Variants in SLCO6A1 observed in about 807,000 individuals in gnomAD.
SLCO6A1 encodes cancer/testis antigen 48.
A neutral mutation model predicts 72.7 loss-of-function variants in SLCO6A1; 65 were observed. The ratio of observed to expected loss-of-function variants is 0.89; its 90% CI spans 0.73 to 1.10. The LOEUF is 1.10. Among genes scored for constraint, SLCO6A1 ranks in the 50% least tolerant of loss-of-function variants. SLCO6A1 has a pLI of 0.00. For missense variants in SLCO6A1, 874 were observed against 872.6 expected, an observed-to-expected ratio of 1.00 and a Z score of -0.02; for synonymous variants, 314 against 298.2, an observed-to-expected ratio of 1.05 and a Z score of -0.55.
intron 4 of SLCO6A1, among the ~76,000 whole-genome samples, chr5:102,470,269 G>A (rs562206840): frequency 2.6e-5 from 4 of 152,270 alleles, no homozygotes; most frequent in South Asian, 2.1e-4. Flanking sequence ...GTAGAATTCA[G>A]TTGTGAATCT....
Position 102,413,000 on chromosome 5 carries a change from T to C in SLCO6A1, c.1616A>G (p.Asn539Ser), listed in dbSNP as rs760521271. The stretch of plus-strand genomic sequence containing the variant: ...ATAAAAAATAATTACCTTTTTTTGG[T>C]TTTGTGCTTTAGAATATGTACACCC... The part of the protein sequence containing the change: ...FAGCTYSKAQ[N>S]QKKMYYNCSC... The change falls in exon 9 of 14, where the codon AAC (asparagine) becomes AGC (serine). Residue 539 changes from asparagine (N) to serine (S), a missense_variant. Transcript: ENST00000506729. 1 of 1,389,996 alleles carries C rather than the reference T, an allele frequency of 7.2e-7. No homozygotes were observed. The highest frequency in any genetic ancestry group is 9.4e-7 in the Non-Finnish European group (1 of 1,063,640). 86.1% of individuals were successfully genotyped at this position (1,389,996 alleles called of 1,614,324 possible).
intron 12 of SLCO6A1, among the ~76,000 whole-genome samples, chr5:102,381,661 C>A (rs939538595): frequency 6.6e-6 from 1 of 150,666 alleles, no homozygotes; most frequent in African/African-American, 2.4e-5. Flanking sequence ...TCAGTAATGG[C>A]TGTACTAATT....
Position 102,480,355 on chromosome 5 carries a change from T to G in SLCO6A1, c.438A>C (p.Ala146=). 6.2e-7 allele frequency: 1 copy of G among 1,613,650 alleles called. No individual in the cohort carries two copies. The highest frequency in any genetic ancestry group is 8.5e-7 in the Non-Finnish European group (1 of 1,179,762). Residue 146 remains alanine, a synonymous_variant, in exon 2 of 14, where the codon GCA becomes GCC. Transcript: ENST00000506729. ...EYQLKTIEKL[A]LEKSYDISSG... ...ATGAAATATCGTAACTCTTTTCCAA[T>G]GCCAACTTCTCAATGGTTTTCAGTT...
At chr5:102,374,776 C>A (rs534554351) in intron 12 of SLCO6A1, among the ~76,000 whole-genome samples, 2 of 152,168 alleles carry the variant, frequency 1.3e-5, no homozygotes, top group African/African-American at 4.8e-5. Context: ...GTAAATTATT[C>A]TCTTTAGGGT....
At chr5:102,401,355 G>A (rs1747388172) in intron 9 of SLCO6A1, among the ~76,000 whole-genome samples, 1 of 152,084 alleles carries the variant, frequency 6.6e-6, no homozygotes, top group Non-Finnish European at 1.5e-5. Context: ...GGTGGCAATT[G>A]CAAGAGCAAT....
At chr5:102,414,751 C>T (rs1748180366) in intron 8 of SLCO6A1, among the ~76,000 whole-genome samples, 1 of 151,754 alleles carries the variant, frequency 6.6e-6, no homozygotes, top group South Asian at 2.1e-4. Context: ...AAAAAATAGC[C>T]AGGCGTAGTG....
intron 8 of SLCO6A1, among the ~76,000 whole-genome samples, chr5:102,418,073 A>T (rs1465653534): frequency 6.6e-6 from 1 of 152,086 alleles, no homozygotes; most frequent in East Asian, 1.9e-4. Flanking sequence ...GGTTGATATA[A>T]AATTAAAGGT....
intron 12 of SLCO6A1, among the ~76,000 whole-genome samples, chr5:102,382,062 CTTTT>C (rs1746140604): frequency 1.3e-5 from 2 of 151,642 alleles, no homozygotes; most frequent in South Asian, 2.1e-4. Context: ...CAAAAAGTAG[CTTTT>C]TTGTTTGTTT....
chr5:102,475,895 G>T, intron 3 of SLCO6A1, 102 bp from the exon 4 acceptor site: 1 of 808,186 alleles, frequency 1.2e-6, no homozygotes, highest in Non-Finnish European at 2.0e-6. Context: ...GCTTTTCATA[G>T]CATTCTGTAT....
chr5:102,413,590 C>T (rs1320935290), intron 8 of SLCO6A1, among the ~76,000 whole-genome samples: 4 of 152,034 alleles, frequency 2.6e-5, no homozygotes, highest in Non-Finnish European at 5.9e-5. Context: ...TTTATTTGGT[C>T]TTTGTATGGT....
chr5:102,456,200 C>G lies in SLCO6A1; in HGVS notation c.1131+2182G>C, dbSNP rs897665927. Among the ~76,000 whole-genome samples, 48 of 152,266 alleles carry G rather than the reference C, an allele frequency of 3.2e-4. 1 individual carries two copies. The highest frequency in any genetic ancestry group is 1.1e-3 in the African/African-American group (46 of 41,538). On this transcript the variant is annotated intron_variant, in intron 6 of 13. Transcript: ENST00000506729. ...AGTCCCTTTGAAAACTGGCACAAGA[C>G]AGGGATGCCCTCTCTCACCACTCCT...
intron 9 of SLCO6A1, among the ~76,000 whole-genome samples, chr5:102,407,892 A>ACAG (rs1736225213): frequency 6.6e-6 from 1 of 152,166 alleles, no homozygotes; most frequent in African/African-American, 2.4e-5. Context: ...AGCACAACTC[A>ACAG]GCTATTACCC....
intron 12 of SLCO6A1, among the ~76,000 whole-genome samples, chr5:102,380,151 TA>T (rs1746030799): frequency 1.3e-5 from 2 of 151,972 alleles, no homozygotes; most frequent in African/African-American, 2.4e-5. Flanking sequence ...GTTCAATTTA[TA>T]AAAAAAGTGT....
At chr5:102,434,444 C>A (rs532879377) in intron 7 of SLCO6A1, among the ~76,000 whole-genome samples, 6 of 152,168 alleles carry the variant, frequency 3.9e-5, no homozygotes, top group South Asian at 2.1e-4. Context: ...TTTCACATCA[C>A]CCTTTGGAAA....
At chr5:102,391,139 G>A (rs756426594) in intron 10 of SLCO6A1, 94 bp from the exon 11 acceptor site, 152 of 1,220,244 alleles carry the variant, frequency 1.2e-4, no homozygotes, top group Non-Finnish European at 1.7e-4. Context: ...TTTTTTTCTG[G>A]TGCATCAATT....
intron 1 of SLCO6A1, among the ~76,000 whole-genome samples, chr5:102,493,168 G>A (rs543226963): frequency 2.3e-4 from 19 of 82,120 alleles, no homozygotes; most frequent in South Asian, 3.6e-4. Context: ...TTAATTTAGC[G>A]AAACTATTAC....
chr5:102,467,298 A>T lies in SLCO6A1; in HGVS notation c.900-7521T>A, dbSNP rs1210189734. Among the ~76,000 whole-genome samples the T allele has an allele frequency of 2.0e-5, 3 of 152,110 alleles. No homozygotes were observed. The East Asian group carries it at 5.8e-4, about 29-fold the overall frequency. On this transcript the variant is annotated intron_variant, in intron 4 of 13. Coordinates refer to ENST00000506729, the MANE Select transcript of SLCO6A1 (RefSeq NM_173488.5). Reference sequence around the variant, plus strand: ...TCCTGGTATAAGGATGCATGCCTGTAGTCCTAGCTACTCCAGAGGTGGGAG... The same window carrying T: ...TCCTGGTATAAGGATGCATGCCTGTTGTCCTAGCTACTCCAGAGGTGGGAG...
intron 12 of SLCO6A1, among the ~76,000 whole-genome samples, chr5:102,384,399 T>C (rs1231432386): frequency 6.6e-6 from 1 of 152,176 alleles, no homozygotes; most frequent in South Asian, 2.1e-4. Context: ...GACTCTGTTG[T>C]TTTCCTACAT....
intron 6 of SLCO6A1, among the ~76,000 whole-genome samples, chr5:102,453,780 C>A (rs951620389): frequency 9.2e-5 from 14 of 152,118 alleles, no homozygotes; most frequent in African/African-American, 3.1e-4. Flanking sequence ...GATGGCCACC[C>A]AATAATTGGG....
Sources: gnomAD v4.1 joint callset for allele counts (sites outside exome capture counted in the v4.1 genomes callset) on GRCh38, gnomAD v4.1.1 for gene constraint, MANE v1.5 for transcripts, NCBI Gene and HGNC (gene_info 2026-07-23, HGNC 2026-07-21) for gene names.